The following ACOT11 variants were observed in gnomAD, a reference collection of about 807,000 sequenced individuals.
The protein encoded by ACOT11 is acyl-coenzyme A thioesterase 11.
Under a neutral mutation model 77.5 loss-of-function variants are expected in ACOT11, and 69 were observed. The observed-to-expected ratio is 0.89, with a 90% CI of 0.73 to 1.09. The LOEUF is 1.09. ACOT11 is among the 50% of genes least tolerant of loss of function. The probability of loss-of-function intolerance (pLI) is 0.00; values close to 1 mark genes in which losing one functional copy is unlikely to be tolerated. For missense variants in ACOT11, 766 were observed against 813.7 expected (o/e 0.94, Z 0.71); for synonymous variants, 279 against 313.0 (o/e 0.89, Z 1.15).
chr1:54,554,951 G>T (rs1203945792), intron 1 of ACOT11, among the ~76,000 whole-genome samples: 1 of 148,896 alleles, frequency 6.7e-6, no homozygotes. Flanking sequence ...TTGTCTTCTG[G>T]TTTTGTTTGT....
chr1:54,593,989 A>C lies in ACOT11; in HGVS notation c.421A>C (p.Asn141His), dbSNP rs1337786678. Residue 141 changes from asparagine to histidine, a missense_variant, in exon 5 of 16, where the codon AAT becomes CAT. Physicochemically the swap from Asn to His is moderately conservative, Grantham distance 68. Transcript: ENST00000343744. ...SEDLCSEKQW[N>H]VCKALATFVA... is the part of the protein sequence containing the mutation. ...GGACCTGTGCTCTGAGAAGCAGTGG[A>C]ATGTGTGCAAGGCCTTGGCCACCTT... 1.2e-6 allele frequency: 2 copies of C among 1,614,122 alleles called. No individual in the cohort carries two copies. Among genetic ancestry groups the C allele is most frequent in the Non-Finnish European group, 1.7e-6 (2 of 1,179,990 alleles).
At chr1:54,593,778 C>T (rs921028952) in intron 4 of ACOT11, among the ~76,000 whole-genome samples, 163 bp from the exon 5 acceptor site, 24 of 152,150 alleles carry the variant, frequency 1.6e-4, no homozygotes, top group African/African-American at 5.8e-4. Context: ...AGGGCAGAGT[C>T]AAACCCCCCC....
At chr1:54,582,350 C>A in intron 1 of ACOT11, 1 of 708,606 alleles carries the variant, frequency 1.4e-6, no homozygotes, top group Non-Finnish European at 1.7e-6. Flanking sequence ...CTCTGTTTGT[C>A]CCTCCACAAA....
At position 54,584,571 on chromosome 1, in the gene ACOT11, C is replaced by T; in HGVS notation, c.34-84C>T. 2.2e-6 allele frequency: 3 copies of T among 1,353,470 alleles called. No homozygotes were observed. The highest frequency in any genetic ancestry group is 3.1e-6 in the Non-Finnish European group (3 of 980,622). 83.8% of individuals were successfully genotyped at this position (1,353,470 alleles called of 1,614,324 possible). A position where few individuals can be genotyped will look rare whatever the true frequency, so the allele number is the denominator to read the frequency against. On this transcript the variant is annotated intron_variant, in intron 1 of 15. Coordinates refer to ENST00000343744, the MANE Select transcript of ACOT11 (RefSeq NM_147161.4). The surrounding 1 kb of genome is among the most constrained non-coding windows in gnomAD (Gnocchi z 6.3). ...CTAGGTACTCTCTCTCCCCCAGACCCTAAGTTCTCAGGGCTGGACAGACCT... is the reference window on the plus strand; with the variant it reads ...CTAGGTACTCTCTCTCCCCCAGACCTTAAGTTCTCAGGGCTGGACAGACCT...
intron 1 of ACOT11, among the ~76,000 whole-genome samples, chr1:54,558,165 T>G (rs1317149108): frequency 2.0e-5 from 3 of 152,150 alleles, no homozygotes; most frequent in Non-Finnish European, 1.5e-5. Context: ...CAGTGCTGGG[T>G]ATGCTGTGGC....
At position 54,607,168 on chromosome 1, in the gene ACOT11, G is replaced by A. The variant is rs773550123; in HGVS notation, c.1405G>A (p.Asp469Asn). The A allele has an allele frequency of 2.5e-6, 4 of 1,614,154 alleles. No individual in the cohort carries two copies. Among genetic ancestry groups the A allele is most frequent in the Admixed American group, 1.7e-5 (1 of 60,026 alleles). ...VELVQQVDED[D>N]AIYHVTSPAL... ...GCTAGTGCAGCAGGTAGACGAGGAC[G>A]ACGCCATCTACCACGTCACCAGCCC... The change falls in exon 14 of 16, where the codon GAC becomes AAC. Residue 469 changes from aspartate to asparagine, a missense_variant. By Grantham distance (23) the Asp-to-Asn change is conservative. Transcript: ENST00000343744. The surrounding 1 kb of genome is among the most constrained non-coding windows in gnomAD (Gnocchi z 4.5).
chr1:54,616,615 C>T (rs1322258516), intron 15 of ACOT11, among the ~76,000 whole-genome samples: 3 of 152,224 alleles, frequency 2.0e-5, no homozygotes, highest in Non-Finnish European at 4.4e-5. Context: ...TCAAGTGATC[C>T]GCCCACCTCA....
chr1:54,575,093 C>T (rs1267302746), intron 1 of ACOT11, among the ~76,000 whole-genome samples: 3 of 150,640 alleles, frequency 2.0e-5, no homozygotes, highest in Admixed American at 2.0e-4. Flanking sequence ...TCAGTTTCTC[C>T]ACCCATACAA....
chr1:54,612,271 A>T (rs941054889), downstream of ACOT11, among the ~76,000 whole-genome samples: 8 of 151,754 alleles, frequency 5.3e-5, no homozygotes, highest in African/African-American at 1.9e-4. Context: ...CAGAGGGCAG[A>T]GAATTACCCA....
rs369789281 is a variant in ACOT11, at chr1:54,594,691, G to A, written c.607G>A (p.Asp203Asn). 10 of 1,608,902 alleles carry A rather than the reference G, an allele frequency of 6.2e-6. No homozygotes were observed. The highest frequency in any genetic ancestry group is 2.2e-5 in the East Asian group (1 of 44,780). Residue 203 changes from aspartate (D) to asparagine (N), a missense_variant and splice_region_variant, in exon 6 of 16, where the codon GAT becomes AAT. Transcript: ENST00000343744. Reference protein sequence around the residue: ...DLLANCAIQGDLESRDCSRMV... With the variant: ...DLLANCAIQGNLESRDCSRMV... ...CCTGGCCAACTGCGCCATTCAGGGC[G>A]GTGAGCAGCTGCCAGCTGTGCATGG...
rs756350482 is a variant in ACOT11 at position 54,603,914 on chromosome 1, G to A, written c.1129G>A (p.Val377Ile). 1.6e-5 allele frequency: 26 copies of A among 1,614,080 alleles called. No homozygotes were observed. Among genetic ancestry groups the A allele is most frequent in the Admixed American group, 6.7e-5 (4 of 60,000 alleles). The change falls in exon 11 of 16, where the codon GTC becomes ATC. Residue 377 changes from valine (V) to isoleucine (I), a missense_variant. Transcript: ENST00000343744. The stretch of plus-strand genomic sequence containing the variant: ...TAAGCAGACAGAGGTGCCCCTCTCC[G>A]TCCCCTGGGACCCTAGCAACCAGGT... ...SCKQTEVPLS[V>I]PWDPSNQVYL... is the part of the protein sequence containing the mutation.
At chr1:54,611,252 T>C (rs908821549), downstream of ACOT11, among the ~76,000 whole-genome samples, 5 of 152,078 alleles carry the variant, frequency 3.3e-5, no homozygotes, top group African/African-American at 9.7e-5. Flanking sequence ...TGGCCCAACA[T>C]GGTGAAACCC....
downstream of ACOT11, chr1:54,611,634 A>G: frequency 6.2e-7 from 1 of 1,613,896 alleles, no homozygotes; most frequent in Non-Finnish European, 8.5e-7. Flanking sequence ...GTGACAGGAG[A>G]GGCTCAAAGA....
At chr1:54,622,022 C>G (rs1036317403) in intron 15 of ACOT11, among the ~76,000 whole-genome samples, 4 of 152,094 alleles carry the variant, frequency 2.6e-5, no homozygotes, top group Non-Finnish European at 5.9e-5. Flanking sequence ...GCCTGTAATC[C>G]CAGCACTTTG....
rs530612916 is a variant in ACOT11 at position 54,634,703 on chromosome 1, C to T, written c.1798C>T (p.Arg600Ter). Residue 600 changes from arginine (R) to a stop codon, truncating the protein, a stop_gained, in exon 17 of 17, where the codon CGA becomes TGA. Coordinates refer to the ACOT11 transcript ENST00000371316. LOFTEE classifies it high-confidence loss of function. ...GTTTCTCCAGGCCAAAATCAACAGC[C>T]GATTTGGATACCTTCAAGACACCTG... 20 of 702,254 alleles carry T rather than the reference C, an allele frequency of 2.8e-5. No individual in the cohort carries two copies. Among genetic ancestry groups the T allele is most frequent in the Admixed American group, 1.4e-4 (7 of 49,992 alleles). The allele number at this position is 702,254 out of a possible 1,614,324, so 43.5% of individuals were successfully genotyped here.
intron 3 of ACOT11, among the ~76,000 whole-genome samples, chr1:54,587,821 CA>C (rs1243856750): frequency 6.6e-6 from 1 of 151,862 alleles, no homozygotes; most frequent in Non-Finnish European, 1.5e-5. Context: ...CTTGGCCTCC[CA>C]AAGTGCTGGG....
chr1:54,585,481 G>A (rs901280581), intron 2 of ACOT11, among the ~76,000 whole-genome samples: 1 of 152,190 alleles, frequency 6.6e-6, no homozygotes, highest in African/African-American at 2.4e-5. Flanking sequence ...CGGGAAGCAG[G>A]CCAGTGTGGT....
exon 17 of ACOT11, chr1:54,638,253 C>T (rs1644341863): frequency 6.6e-6 from 1 of 152,236 alleles, no homozygotes; most frequent in African/African-American, 2.4e-5. Context: ...GGAACATTAG[C>T]TTTGATGTAC....
chr1:54,637,917 A>T (rs1213637172), exon 17 of ACOT11: 1 of 152,180 alleles, frequency 6.6e-6, no homozygotes, highest in Non-Finnish European at 1.5e-5. Context: ...GAAAAATACA[A>T]AAAAATCCAT....
Sources: gnomAD v4.1 joint callset for allele counts (sites outside exome capture counted in the v4.1 genomes callset) on GRCh38, gnomAD v4.1.1 for gene constraint, Gnocchi (gnomAD v3.1) non-coding constraint, MANE v1.5 for transcripts, NCBI Gene and HGNC (gene_info 2026-07-23, HGNC 2026-07-21) for gene names.